The following MCM6 variants were observed in gnomAD, a reference collection of about 807,000 sequenced individuals.
The protein encoded by MCM6 is minichromosome maintenance complex component 6.
MCM6 carries 46 observed loss-of-function variants against 94.3 expected under a neutral mutation model. The observed-to-expected ratio is 0.49, with a 90% CI of 0.39 to 0.62. The LOEUF (loss-of-function observed/expected upper bound fraction) is 0.62. Ranked by LOEUF, MCM6 falls within the 20% of genes least tolerant of loss-of-function variation. MCM6 has a pLI of 0.00. For missense variants in MCM6, 865 were observed against 1,017.9 expected (o/e 0.85, Z 2.04); for synonymous variants, 335 against 351.9 (o/e 0.95, Z 0.54).
chr2:135,868,913 C>A (rs1680150572), intron 3 of MCM6, 53 bp from the exon 4 acceptor site: 1 of 1,551,820 alleles, frequency 6.4e-7, no homozygotes, highest in Non-Finnish European at 8.9e-7. Flanking sequence ...AACTAAGAAT[C>A]TTTCCATTTT....
chr2:135,854,806 G>A (rs1381313552), intron 11 of MCM6, among the ~76,000 whole-genome samples: 1 of 152,078 alleles, frequency 6.6e-6, no homozygotes, highest in Non-Finnish European at 1.5e-5. Flanking sequence ...CCAGGAGGCT[G>A]AGGCTGCAGT....
intron 14 of MCM6, among the ~76,000 whole-genome samples, chr2:135,847,284 G>C (rs1265471089): frequency 6.6e-6 from 1 of 152,118 alleles, no homozygotes; most frequent in Non-Finnish European, 1.5e-5. Flanking sequence ...AGGAGTGGTG[G>C]CGTGGGCATA....
rs1358174380 is a variant in MCM6, at chr2:135,846,421, T to A, written c.2054-29A>T. The stretch of plus-strand genomic sequence containing the variant: ...AGTGAAAAATTGACCACCTGAATCT[T>A]ATTTTTGTGCCCTTAACATCCCCTT... On this transcript the variant is annotated intron_variant, in intron 14 of 16. Coordinates refer to ENST00000264156, the MANE Select transcript of MCM6 (RefSeq NM_005915.6). 1.9e-6 allele frequency: 3 copies of A among 1,607,938 alleles called. No homozygotes were observed. In the African/African-American group the frequency reaches 4.0e-5, roughly 21 times the overall value.
chr2:135,859,595 C>T, intron 8 of MCM6, among the ~76,000 whole-genome samples, 153 bp from the exon 9 acceptor site: 1 of 151,932 alleles, frequency 6.6e-6, no homozygotes, highest in East Asian at 1.9e-4. Context: ...GGGAAGGTTT[C>T]TCTCCCTCGG....
chr2:135,846,745 T>C (rs895342257), intron 14 of MCM6, among the ~76,000 whole-genome samples: 1 of 152,166 alleles, frequency 6.6e-6, no homozygotes, highest in Admixed American at 6.5e-5. Context: ...GGCTCACACC[T>C]GTAATCCCAG....
At chr2:135,849,947 ATT>A (rs1300459858) in intron 13 of MCM6, among the ~76,000 whole-genome samples, 3 of 152,188 alleles carry the variant, frequency 2.0e-5, no homozygotes, top group African/African-American at 7.2e-5. Flanking sequence ...CAGAAAATAT[ATT>A]TGTGTATATA....
chr2:135,846,113 G>T, intron 15 of MCM6, 124 bp downstream of exon 15: 1 of 925,478 alleles, frequency 1.1e-6, no homozygotes, highest in South Asian at 1.9e-5. Flanking sequence ...GCTAAAGTGA[G>T]TTTATCTAAC....
At position 135,852,955 on chromosome 2, in the gene MCM6, A is replaced by C. The variant is rs182004250; in HGVS notation, c.1627-40T>G. On this transcript the variant is annotated intron_variant, in intron 11 of 16. Coordinates refer to ENST00000264156, the MANE Select transcript of MCM6 (RefSeq NM_005915.6). ...AAAAATCACTTTGATAGTCACAGCA[A>C]TATCTTCTCCAGACTATCCCAGGCA... The C allele has an allele frequency of 2.2e-4, 335 of 1,556,680 alleles. 1 individual carries two copies. In the African/African-American group the frequency reaches 4.4e-3, roughly 21 times the overall value.
At position 135,859,507 on chromosome 2, in the gene MCM6, CCAG is replaced by C. The variant is rs1192345718; in HGVS notation, c.1221-68_1221-66del. 13 of 1,155,552 alleles carry C rather than the reference CCAG, an allele frequency of 1.1e-5. No homozygotes were observed. In the East Asian group the frequency reaches 3.2e-4, roughly 29 times the overall value. The allele number at this position is 1,155,552 out of a possible 1,614,324, so 71.6% of individuals were successfully genotyped here. On this transcript the variant is annotated intron_variant, in intron 8 of 16. Coordinates refer to ENST00000264156, the MANE Select transcript of MCM6 (RefSeq NM_005915.6). ...TTATACAGCACCCTTCCCAGGAAAA[CCAG>C]CAGAAGAGTTTAAATTACTGAAAGA... is the stretch of plus-strand genomic sequence containing the variant.
chr2:135,873,528 T>C (rs1417517623), intron 1 of MCM6, among the ~76,000 whole-genome samples: 2 of 152,234 alleles, frequency 1.3e-5, no homozygotes, highest in African/African-American at 4.8e-5. Context: ...CCAAGCAGGA[T>C]ATCATACAAA....
At chr2:135,859,158 T>C in intron 9 of MCM6, 143 bp downstream of exon 9, 2 of 615,256 alleles carry the variant, frequency 3.3e-6, no homozygotes, top group South Asian at 4.8e-5. Flanking sequence ...CTTCCCAAAG[T>C]ACTGGGACAA....
At chr2:135,867,546 ATTAT>A (rs1488223736) in intron 4 of MCM6, among the ~76,000 whole-genome samples, 14 of 152,348 alleles carry the variant, frequency 9.2e-5, no homozygotes, top group Admixed American at 8.5e-4. Context: ...TCTGATAATA[ATTAT>A]TCCATACTTG....
chr2:135,854,433 G>A (rs1489560206), intron 11 of MCM6, among the ~76,000 whole-genome samples: 1 of 150,606 alleles, frequency 6.6e-6, no homozygotes, highest in Non-Finnish European at 1.5e-5. Context: ...AGGAGGCTGA[G>A]GCAGGAGAAT....
chr2:135,865,244 C>CA, intron 6 of MCM6, 81 bp from the exon 7 acceptor site: 1 of 1,063,744 alleles, frequency 9.4e-7, no homozygotes, highest in Non-Finnish European at 1.3e-6. Context: ...TCATTACAAA[C>CA]ACAACATAGC....
intron 4 of MCM6, among the ~76,000 whole-genome samples, chr2:135,867,804 A>G (rs1186632333): frequency 6.6e-6 from 1 of 152,158 alleles, no homozygotes; most frequent in Non-Finnish European, 1.5e-5. Context: ...AGGCAGGCGG[A>G]TCACGAAGTC....
rs957149616 is a variant in MCM6 at position 135,876,351 on chromosome 2, C to T, written c.15G>A (p.Ala5=). 1.9e-6 allele frequency: 3 copies of T among 1,607,776 alleles called. No homozygotes were observed. Among genetic ancestry groups the T allele is most frequent in the Non-Finnish European group, 1.7e-6 (2 of 1,179,046 alleles). Residue 5 remains alanine (A), a synonymous_variant, in exon 1 of 17, where the codon GCG becomes GCA. Transcript: ENST00000264156. The stretch of plus-strand genomic sequence containing the variant: ...GGCTGCCGGCGCCCGGCTCCGCTGC[C>T]GCCGCGAGGTCCATATTTGCTTAGT... MDLA[A]AAEPGAGSQH...
chr2:135,847,269 T>C (rs1036479049), intron 14 of MCM6, among the ~76,000 whole-genome samples: 1 of 151,940 alleles, frequency 6.6e-6, no homozygotes, highest in Non-Finnish European at 1.5e-5. Context: ...CTCAAAAAAT[T>C]AGCCAGGAGT....
rs3729569 is a variant in MCM6, at chr2:135,845,735, G to T, written c.2209+502C>A. On this transcript the variant is annotated intron_variant, in intron 15 of 16. Coordinates refer to ENST00000264156, the MANE Select transcript of MCM6 (RefSeq NM_005915.6). Reference sequence around the variant, plus strand: ...GGGTGATAAAACTTTGAATAGCATGGTAAAGCAGTTAAGGGTAGGAAGCGT... The same window carrying T: ...GGGTGATAAAACTTTGAATAGCATGTTAAAGCAGTTAAGGGTAGGAAGCGT... 8.5e-3 allele frequency among the ~76,000 whole-genome samples: 1,298 copies of T among 152,266 alleles called. 93 individuals carry two copies. In the East Asian group the frequency reaches 0.18, roughly 21 times the overall value.
intron 13 of MCM6, among the ~76,000 whole-genome samples, chr2:135,851,116 T>C (rs765897522): frequency 5.3e-5 from 8 of 152,234 alleles, no homozygotes; most frequent in Non-Finnish European, 1.0e-4. Context: ...AGAGGCCTAC[T>C]AGTACATTGT....
Sources: allele counts gnomAD v4.1 joint callset (sites outside exome capture counted in the v4.1 genomes callset), GRCh38; gene constraint gnomAD v4.1.1; transcripts MANE v1.5; gene names NCBI Gene and HGNC (gene_info 2026-07-23, HGNC 2026-07-21).